Variants in KCTD14 observed in about 807,000 individuals in gnomAD.
KCTD14 encodes potassium channel tetramerization domain containing 14.
In KCTD14, 7 loss-of-function variants were observed where a neutral mutation model predicts 5.9. That is an observed-to-expected ratio of 1.19 (90% CI 0.68 to 2.23). KCTD14 has a LOEUF of 2.23. KCTD14 is among the 30% of genes most tolerant of loss of function. The pLI is 0.00. For synonymous variants in KCTD14, 140 were observed against 133.1 expected (o/e 1.05, Z -0.36); for missense variants, 342 against 332.2 (o/e 1.03, Z -0.23).
chr11:78,024,445 C>T (rs867326476), upstream of KCTD14, among the ~76,000 whole-genome samples: 1,482 of 140,308 alleles, frequency 0.011, 25 homozygotes, highest in African/African-American at 0.036. Flanking sequence ...CACACACACA[C>T]ATATATATAT....
chr11:78,021,454 T>C (rs1037355496), intron 1 of KCTD14, among the ~76,000 whole-genome samples: 4 of 152,066 alleles, frequency 2.6e-5, no homozygotes, highest in Non-Finnish European at 2.9e-5. Flanking sequence ...GGTCTCACTC[T>C]GTTGCCCAGG....
upstream of KCTD14, among the ~76,000 whole-genome samples, chr11:78,024,393 A>T (rs1369263774): frequency 2.7e-4 from 31 of 115,566 alleles, no homozygotes; most frequent in Admixed American, 1.4e-3. Context: ...AAAAAAAAAA[A>T]AAAAATATAT....
At chr11:78,025,050 A>G (rs1055999788), upstream of KCTD14, among the ~76,000 whole-genome samples, 4 of 145,084 alleles carry the variant, frequency 2.8e-5, no homozygotes, top group East Asian at 8.2e-4. Flanking sequence ...ATATATACAT[A>G]TGTGTGTATA....
At chr11:78,028,353 C>T (rs548924874) in intron 2 of KCTD14, among the ~76,000 whole-genome samples, 1 of 152,200 alleles carries the variant, frequency 6.6e-6, no homozygotes, top group South Asian at 2.1e-4. Context: ...GCCTGTAATC[C>T]CAGCACTTTG....
chr11:78,043,906 G>A (rs1286571207), intron 1 of KCTD14, among the ~76,000 whole-genome samples: 1 of 152,170 alleles, frequency 6.6e-6, no homozygotes, highest in African/African-American at 2.4e-5. Context: ...TGTAAATGAA[G>A]ACTTTCCAGT....
intron 2 of KCTD14, among the ~76,000 whole-genome samples, chr11:78,032,842 C>T (rs1344451557): frequency 6.6e-6 from 1 of 151,840 alleles, no homozygotes; most frequent in Non-Finnish European, 1.5e-5. Flanking sequence ...CCATGCCCAG[C>T]TAATTTTTAA....
At chr11:78,026,111 G>C (rs1304505670), upstream of KCTD14, among the ~76,000 whole-genome samples, 1 of 152,108 alleles carries the variant, frequency 6.6e-6, no homozygotes, top group Non-Finnish European at 1.5e-5. Context: ...AGGTGGTCAG[G>C]CTACAACTTG....
chr11:78,037,664 C>A (rs1857850041), intron 2 of KCTD14, among the ~76,000 whole-genome samples: 1 of 152,040 alleles, frequency 6.6e-6, no homozygotes, highest in Admixed American at 6.6e-5. Context: ...ACTAAAAATA[C>A]AAAAATTAGC....
chr11:78,020,202 G>T (rs1175294810), intron 1 of KCTD14, among the ~76,000 whole-genome samples: 1 of 152,210 alleles, frequency 6.6e-6, no homozygotes. Context: ...GGCCGCTGCT[G>T]CTGAGGAATA....
chr11:78,028,048 G>C (rs1857512244), upstream of KCTD14, among the ~76,000 whole-genome samples: 3 of 152,132 alleles, frequency 2.0e-5, no homozygotes, highest in African/African-American at 7.2e-5. Context: ...ACTTTGGAAT[G>C]CCCTTGGCCA....
chr11:78,034,376 A>C (rs1359910048), intron 2 of KCTD14, among the ~76,000 whole-genome samples: 1 of 152,140 alleles, frequency 6.6e-6, no homozygotes, highest in Admixed American at 6.5e-5. Context: ...GCTTTCCAAA[A>C]TGCTGGAATT....
At chr11:78,046,041 T>C in intron 1 of KCTD14, 1 of 954,104 alleles carries the variant, frequency 1.0e-6, no homozygotes, top group Non-Finnish European at 1.2e-6. Flanking sequence ...GGCCTGCACT[T>C]AGACACAAGC....
intron 2 of KCTD14, among the ~76,000 whole-genome samples, chr11:78,031,550 T>C (rs992056139): frequency 6.7e-6 from 1 of 148,748 alleles, no homozygotes; most frequent in Non-Finnish European, 1.5e-5. Context: ...GGCTAATTTT[T>C]GTATTTTTTT....
chr11:78,023,529 T>A (rs550358254), upstream of KCTD14: 7 of 418,742 alleles, frequency 1.7e-5, no homozygotes, highest in South Asian at 1.7e-4. Flanking sequence ...TTTTTTTTTT[T>A]TCAGAGACAG....
At chr11:78,029,199 A>AG (rs1477453138) in intron 2 of KCTD14, among the ~76,000 whole-genome samples, 2 of 152,072 alleles carry the variant, frequency 1.3e-5, no homozygotes, top group East Asian at 3.9e-4. Flanking sequence ...AAAAAAAAAA[A>AG]AAAGAGAGAT....
At chr11:78,029,372 C>T (rs558396768) in intron 2 of KCTD14, among the ~76,000 whole-genome samples, 7 of 152,154 alleles carry the variant, frequency 4.6e-5, no homozygotes, top group Admixed American at 2.6e-4. Flanking sequence ...AGAAACCTCC[C>T]GGTTATGGGC....
rs577769811 is a variant in KCTD14, at chr11:78,028,564, C to T, written c.-1+10100G>A. On this transcript the variant is annotated intron_variant, in intron 2 of 2. Transcript: ENST00000533144. ...GTTGCAGTGAGCCCAGATCACACCACTGCATTCCAGCTTTGGCAATAGAGC... is the reference window on the plus strand; with the variant it reads ...GTTGCAGTGAGCCCAGATCACACCATTGCATTCCAGCTTTGGCAATAGAGC... Among the ~76,000 whole-genome samples the T allele has an allele frequency of 4.0e-5, 6 of 148,480 alleles. No individual in the cohort carries two copies. The East Asian group carries it at 1.2e-3, about 29-fold the overall frequency.
chr11:78,029,271 A>G (rs1857553004), intron 2 of KCTD14, among the ~76,000 whole-genome samples: 1 of 152,064 alleles, frequency 6.6e-6, no homozygotes. Context: ...TGACACGCCC[A>G]GATAACTAGT....
rs1021613352 is a variant in KCTD14, at chr11:78,017,064, G to A, written c.297C>T (p.Pro99=). Residue 99 remains proline, a synonymous_variant, in exon 2 of 2, where the codon CCC becomes CCT. Coordinates refer to ENST00000353172, the MANE Select transcript of KCTD14 (RefSeq NM_023930.4). The stretch of plus-strand genomic sequence containing the variant: ...GGTACACTTCAGGGATGTGCTGTGT[G>A]GGCACTTGCCCAGTGCGCAGGTAGT... The part of the protein sequence containing the change: ...ILDYLRTGQV[P]TQHIPEVYRE... The A allele has an allele frequency of 6.2e-6, 10 of 1,614,126 alleles. No individual in the cohort carries two copies. The highest frequency in any genetic ancestry group is 3.3e-5 in the South Asian group (3 of 91,092).
Sources: allele counts gnomAD v4.1 joint callset (sites outside exome capture counted in the v4.1 genomes callset), GRCh38; gene constraint gnomAD v4.1.1; transcripts MANE v1.5; gene names NCBI Gene and HGNC (gene_info 2026-07-23, HGNC 2026-07-21).